Variants in GPRC5A observed in about 807,000 individuals in gnomAD.
GPRC5A encodes the protein G protein-coupled receptor class C group 5 member A.
Under a neutral mutation model 22.5 loss-of-function variants are expected in GPRC5A, and 19 were observed. That is an observed-to-expected ratio of 0.85 (90% CI 0.59 to 1.24). The LOEUF (loss-of-function observed/expected upper bound fraction) is 1.24, where lower values mean the gene tolerates loss of function less well. GPRC5A is among the 50% of genes most tolerant of loss of function. The probability of loss-of-function intolerance (pLI) is 0.00; values close to 1 mark genes in which losing one functional copy is unlikely to be tolerated. For missense variants in GPRC5A, 471 were observed against 451.1 expected, an observed-to-expected ratio of 1.04 and a Z score of -0.40; for synonymous variants, 192 against 184.5, an observed-to-expected ratio of 1.04 and a Z score of -0.33.
intron 1 of GPRC5A, among the ~76,000 whole-genome samples, chr12:12,902,643 G>A (rs530380922): frequency 4.6e-5 from 7 of 152,188 alleles, no homozygotes; most frequent in South Asian, 2.1e-4. Context: ...GGTGGCATGC[G>A]CTTGTAGTTT....
At chr12:12,894,935 T>C (rs1463507993) in intron 1 of GPRC5A, among the ~76,000 whole-genome samples, 3 of 151,942 alleles carry the variant, frequency 2.0e-5, no homozygotes, top group Non-Finnish European at 4.4e-5. Flanking sequence ...CCCGCCACCA[T>C]GCCCGGCTAA....
intron 2 of GPRC5A, 116 bp downstream of exon 2, chr12:12,909,287 T>C: frequency 1.3e-6 from 1 of 752,462 alleles, no homozygotes; most frequent in Non-Finnish European, 2.1e-6. Context: ...CTTGATAGAA[T>C]AGATAAGTTC....
intron 1 of GPRC5A, among the ~76,000 whole-genome samples, chr12:12,894,047 C>A (rs1057020780): frequency 7.2e-5 from 11 of 152,234 alleles, no homozygotes; most frequent in African/African-American, 2.4e-4. Context: ...TAGGCATGAG[C>A]CACAACCTGT....
rs1397817649 is a variant in GPRC5A at position 12,914,056 on chromosome 12, A to G, written c.*1517A>G. The G allele has an allele frequency of 6.6e-6, 1 of 152,216 alleles. No homozygotes were observed. Among genetic ancestry groups the G allele is most frequent in the African/African-American group, 2.4e-5 (1 of 41,464 alleles). The allele number at this position is 152,216 out of a possible 1,614,324, so 9.4% of individuals were successfully genotyped here. On this transcript the variant is annotated 3_prime_UTR_variant, in exon 4 of 4. Transcript: ENST00000014914. ...CTCTTGGCAAAAACATGTGACACCT[A>G]ACCATGATAATTGACTTAATCCAAG... is the stretch of plus-strand genomic sequence containing the variant.
chr12:12,911,874 A>G (rs751447535), intron 2 of GPRC5A, among the ~76,000 whole-genome samples: 2 of 152,190 alleles, frequency 1.3e-5, no homozygotes, highest in Non-Finnish European at 2.9e-5. Flanking sequence ...CCTAGTCATC[A>G]TAGTTATTCA....
intron 1 of GPRC5A, among the ~76,000 whole-genome samples, chr12:12,898,650 T>G (rs926467065): frequency 2.0e-5 from 3 of 152,240 alleles, no homozygotes; most frequent in African/African-American, 7.2e-5. Flanking sequence ...GGTCGCATAT[T>G]TATCAAAGAG....
chr12:12,909,159 G>A lies in GPRC5A; in HGVS notation c.910G>A (p.Glu304Lys). The A allele has an allele frequency of 6.3e-7, 1 of 1,587,428 alleles. No homozygotes were observed. Among genetic ancestry groups the A allele is most frequent in the East Asian group, 2.2e-5 (1 of 44,760 alleles). The change falls in exon 2 of 4, where the codon GAA becomes AAA. Residue 304 changes from glutamate (E) to lysine (K), a missense_variant. By Grantham distance (56) the Glu-to-Lys change is moderately conservative (BLOSUM62 1). Coordinates refer to ENST00000014914, the MANE Select transcript of GPRC5A (RefSeq NM_003979.4). ...GVENRAYSQE[E>K]ITQGFEETGD... ...GGAGAACAGAGCCTACTCTCAAGAG[G>A]AAATCACTCAAGGTACAGATGCAGC...
chr12:12,904,884 GTTTTT>G (rs146219111), intron 1 of GPRC5A, among the ~76,000 whole-genome samples: 2 of 127,280 alleles, frequency 1.6e-5, no homozygotes, highest in Non-Finnish European at 1.6e-5. Context: ...AAATTTTGTG[GTTTTT>G]TTTTTTTTTT....
At chr12:12,904,685 C>T (rs1203986191) in intron 1 of GPRC5A, among the ~76,000 whole-genome samples, 1 of 152,010 alleles carries the variant, frequency 6.6e-6, no homozygotes, top group Non-Finnish European at 1.5e-5. Context: ...TCGATTTAAG[C>T]TATATCTGGT....
At chr12:12,893,766 G>A (rs1434181286) in intron 1 of GPRC5A, among the ~76,000 whole-genome samples, 7 of 151,848 alleles carry the variant, frequency 4.6e-5, no homozygotes, top group South Asian at 2.1e-4. Context: ...TTTTGTTTTC[G>A]TTTTTTTGAG....
intron 1 of GPRC5A, among the ~76,000 whole-genome samples, chr12:12,902,894 C>G (rs1863904287): frequency 1.3e-5 from 2 of 152,060 alleles, no homozygotes; most frequent in Admixed American, 1.3e-4. Flanking sequence ...ATGGAGAAAC[C>G]CTGTCTCTAC....
intron 1 of GPRC5A, among the ~76,000 whole-genome samples, chr12:12,894,789 T>C (rs937358895): frequency 7.2e-5 from 10 of 139,240 alleles, no homozygotes; most frequent in African/African-American, 2.6e-4. Context: ...TTTTTTTTTT[T>C]TTTTTTTGAG....
At chr12:12,893,621 C>T (rs1863787856) in intron 1 of GPRC5A, among the ~76,000 whole-genome samples, 1 of 152,150 alleles carries the variant, frequency 6.6e-6, no homozygotes. Flanking sequence ...GGCAAATGTT[C>T]CATTTGGACC....
rs117588353 is a variant in GPRC5A at position 12,911,897 on chromosome 12, A to G, written c.923-187A>G. ...TCATAGTTATTCATTCATTCAACCA[A>G]TATTGTGTTTGCTTTGTGCCTGGTC... On this transcript the variant is annotated intron_variant, in intron 2 of 3. Coordinates refer to ENST00000014914, the MANE Select transcript of GPRC5A (RefSeq NM_003979.4). 3.4e-4 allele frequency among the ~76,000 whole-genome samples: 52 copies of G among 152,234 alleles called. No individual in the cohort carries two copies. In the East Asian group the frequency reaches 0.01, roughly 29 times the overall value.
At chr12:12,892,222 A>G (rs1454318586) in intron 1 of GPRC5A, among the ~76,000 whole-genome samples, 1 of 152,092 alleles carries the variant, frequency 6.6e-6, no homozygotes, top group Non-Finnish European at 1.5e-5. Flanking sequence ...GTGTGCCTTG[A>G]GTTGCTCAGA....
At chr12:12,897,190 G>A (rs1176666806) in intron 1 of GPRC5A, among the ~76,000 whole-genome samples, 1 of 127,734 alleles carries the variant, frequency 7.8e-6, no homozygotes, top group African/African-American at 3.0e-5. Flanking sequence ...TCATGCCACT[G>A]TACTCCCAGG....
At chr12:12,904,710 CTA>C (rs1863923115) in intron 1 of GPRC5A, among the ~76,000 whole-genome samples, 1 of 152,010 alleles carries the variant, frequency 6.6e-6, no homozygotes, top group African/African-American at 2.4e-5. Context: ...CTTTAACACA[CTA>C]TACATAATAT....
At chr12:12,902,959 C>T (rs1447941255) in intron 1 of GPRC5A, among the ~76,000 whole-genome samples, 4 of 152,046 alleles carry the variant, frequency 2.6e-5, no homozygotes, top group Admixed American at 6.5e-5. Context: ...CCCAGCTACT[C>T]GGGAGGCTGA....
chr12:12,894,531 C>T (rs1302469895), intron 1 of GPRC5A, among the ~76,000 whole-genome samples: 1 of 152,096 alleles, frequency 6.6e-6, no homozygotes, highest in Non-Finnish European at 1.5e-5. Flanking sequence ...GCCTCAGACT[C>T]TTGAGTAGCT....
Sources: gnomAD v4.1 joint callset for allele counts (sites outside exome capture counted in the v4.1 genomes callset) on GRCh38, gnomAD v4.1.1 for gene constraint, MANE v1.5 for transcripts, NCBI Gene and HGNC (gene_info 2026-07-23, HGNC 2026-07-21) for gene names.